OSBPL8: variants seen among roughly 807,000 people sequenced by gnomAD.
OSBPL8 encodes the protein oxysterol binding protein like 8.
A neutral mutation model predicts 125.5 loss-of-function variants in OSBPL8; 59 were observed. That is an observed-to-expected ratio of 0.47 (90% CI 0.38 to 0.58). The LOEUF (loss-of-function observed/expected upper bound fraction) is 0.58. Ranked by LOEUF, OSBPL8 falls within the 20% of genes least tolerant of loss-of-function variation. The pLI, the probability that OSBPL8 is intolerant of heterozygous loss-of-function variation, is 0.00. For synonymous variants in OSBPL8, 330 were observed against 338.9 expected (o/e 0.97, Z 0.29); for missense variants, 758 against 1,047.8 (o/e 0.72, Z 3.82).
chr12:76,499,350 C>CTATCAATCATCT (rs71082312), intron 1 of OSBPL8, among the ~76,000 whole-genome samples: 1 of 107,480 alleles, frequency 9.3e-6, no homozygotes, highest in Non-Finnish European at 1.9e-5. Flanking sequence ...ATCTATCTAT[C>CTATCAATCATCT]ATCTATCTAT....
chr12:76,501,220 C>T (rs1879869801), intron 1 of OSBPL8, among the ~76,000 whole-genome samples: 1 of 152,140 alleles, frequency 6.6e-6, no homozygotes. Flanking sequence ...GCAGTGCCTT[C>T]CTCAACCCTC....
At chr12:76,475,564 T>C (rs1017418438) in intron 2 of OSBPL8, among the ~76,000 whole-genome samples, 1 of 152,244 alleles carries the variant, frequency 6.6e-6, no homozygotes, top group Admixed American at 6.5e-5. Flanking sequence ...ACAGTTCTGT[T>C]CTTTTAAATC....
chr12:76,438,901 AATGTCTT>A (rs766504154), intron 4 of OSBPL8, among the ~76,000 whole-genome samples: 8 of 152,172 alleles, frequency 5.3e-5, no homozygotes, highest in African/African-American at 7.2e-5. Context: ...ATGAACAAGA[AATGTCTT>A]ATAATTTTTT....
chr12:76,360,597 T>G (rs1418493663), intron 21 of OSBPL8, among the ~76,000 whole-genome samples: 3 of 152,226 alleles, frequency 2.0e-5, no homozygotes, highest in Non-Finnish European at 2.9e-5. Flanking sequence ...AGATTTCCCT[T>G]CTGCACTGTG....
chr12:76,442,639 C>T (rs75388942), intron 4 of OSBPL8, among the ~76,000 whole-genome samples: 6,087 of 152,160 alleles, frequency 0.04, 193 homozygotes, highest in Admixed American at 0.083. Context: ...AACTACAAGC[C>T]CTCTTTCAGG....
At chr12:76,526,241 A>T (rs987601854) in intron 1 of OSBPL8, among the ~76,000 whole-genome samples, 25 of 152,320 alleles carry the variant, frequency 1.6e-4, no homozygotes, top group Non-Finnish European at 2.2e-4. Context: ...GTATACATTT[A>T]AAAAAAGTTT....
chr12:76,356,791 T>A, intron 22 of OSBPL8, 63 bp from the exon 23 acceptor site: 2 of 1,126,452 alleles, frequency 1.8e-6, no homozygotes, highest in Admixed American at 2.4e-5. Context: ...ATTTAATGTG[T>A]CTCATGTAAT....
Position 76,417,191 on chromosome 12 carries a change from A to C in OSBPL8, c.218-6557T>G, listed in dbSNP as rs556970207. Among the ~76,000 whole-genome samples the C allele has an allele frequency of 3.3e-5, 5 of 152,342 alleles. No homozygotes were observed. The East Asian group carries it at 7.7e-4, about 23-fold the overall frequency. On this transcript the variant is annotated intron_variant, in intron 4 of 23. Coordinates refer to ENST00000261183, the MANE Select transcript of OSBPL8 (RefSeq NM_020841.5). ...GCTATTTGTTTATCCTTACAACTTA[A>C]GACTTTCCATCTGAAATCACTCTCC...
chr12:76,483,841 A>G (rs1877835377), intron 2 of OSBPL8, among the ~76,000 whole-genome samples: 1 of 151,432 alleles, frequency 6.6e-6, no homozygotes, highest in African/African-American at 2.4e-5. Context: ...CACCTGGCTA[A>G]TTTTTGTATT....
At chr12:76,503,478 T>C (rs1009036063) in intron 1 of OSBPL8, among the ~76,000 whole-genome samples, 6 of 152,246 alleles carry the variant, frequency 3.9e-5, no homozygotes, top group Admixed American at 3.3e-4. Flanking sequence ...CATTCTGAGG[T>C]GCTGGAAGTT....
intron 4 of OSBPL8, among the ~76,000 whole-genome samples, chr12:76,450,308 A>G (rs1873229376): frequency 6.6e-6 from 1 of 152,216 alleles, no homozygotes; most frequent in Non-Finnish European, 1.5e-5. Context: ...GCCAAGGTTG[A>G]GAAGTCCTGA....
At chr12:76,379,985 T>C (rs1294082884) in intron 15 of OSBPL8, among the ~76,000 whole-genome samples, 2 of 152,212 alleles carry the variant, frequency 1.3e-5, no homozygotes, top group African/African-American at 4.8e-5. Context: ...TGAACTCTAT[T>C]GCATCCCATT....
intron 18 of OSBPL8, among the ~76,000 whole-genome samples, chr12:76,373,117 A>AT (rs1012360107): frequency 6.6e-5 from 10 of 152,230 alleles, no homozygotes; most frequent in African/African-American, 2.4e-4. Context: ...AGTAAGTCAT[A>AT]TATAAGTGTT....
At chr12:76,532,534 A>G (rs1405686519) in intron 1 of OSBPL8, among the ~76,000 whole-genome samples, 1 of 152,166 alleles carries the variant, frequency 6.6e-6, no homozygotes, top group Non-Finnish European at 1.5e-5. Context: ...GTATTATAAG[A>G]TTTCTAAAAA....
At chr12:76,403,702 C>T (rs1954141380) in intron 5 of OSBPL8, among the ~76,000 whole-genome samples, 1 of 152,116 alleles carries the variant, frequency 6.6e-6, no homozygotes, top group Non-Finnish European at 1.5e-5. Context: ...TACTCCTAAG[C>T]AGTGCCAAGA....
intron 4 of OSBPL8, among the ~76,000 whole-genome samples, chr12:76,427,135 G>A (rs1176140642): frequency 2.6e-5 from 4 of 152,038 alleles, no homozygotes; most frequent in African/African-American, 9.7e-5. Flanking sequence ...CATTCTTTAC[G>A]TTAAAGGTTT....
intron 21 of OSBPL8, 141 bp downstream of exon 21, chr12:76,369,073 T>C: frequency 2.6e-6 from 3 of 1,140,420 alleles, no homozygotes; most frequent in African/African-American, 1.6e-5. Context: ...CTGATGTTTC[T>C]TTGGGGTAAG....
intron 4 of OSBPL8, among the ~76,000 whole-genome samples, chr12:76,429,605 C>T (rs1196361454): frequency 6.6e-6 from 1 of 152,112 alleles, no homozygotes; most frequent in African/African-American, 2.4e-5. Context: ...AATACTACCT[C>T]ATAATTAAAT....
chr12:76,473,873 T>G (rs969004302), intron 2 of OSBPL8, among the ~76,000 whole-genome samples: 1 of 152,232 alleles, frequency 6.6e-6, no homozygotes, highest in Admixed American at 6.5e-5. Flanking sequence ...TGTCCTTGTC[T>G]CTGTATCCTT....
Sources: gnomAD v4.1 joint callset for allele counts (sites outside exome capture counted in the v4.1 genomes callset) on GRCh38, gnomAD v4.1.1 for gene constraint, MANE v1.5 for transcripts, NCBI Gene and HGNC (gene_info 2026-07-23, HGNC 2026-07-21) for gene names.